RANBP2: variants seen among roughly 807,000 people sequenced by gnomAD.
RANBP2 encodes E3 SUMO-protein ligase RanBP2.
A neutral mutation model predicts 303.6 loss-of-function variants in RANBP2; 57 were observed. That is an observed-to-expected ratio of 0.19 (90% CI 0.15 to 0.23). The LOEUF is 0.23. RANBP2 is among the 10% of genes least tolerant of loss of function. The pLI is 1.00. For missense variants in RANBP2, 3,138 were observed against 3,780.8 expected (o/e 0.83, Z 4.46); for synonymous variants, 1,167 against 1,301.5 (o/e 0.90, Z 2.23).
the RANBP2 span, among the ~76,000 whole-genome samples, chr2:109,673,275 C>G: frequency 6.6e-6 from 1 of 152,138 alleles, no homozygotes; most frequent in Non-Finnish European, 1.5e-5. Context: ...CTAAGTGTTT[C>G]TTTTTCTTCC....
At chr2:108,903,581 A>G in the RANBP2 span, among the ~76,000 whole-genome samples, 1 of 152,226 alleles carries the variant, frequency 6.6e-6, no homozygotes, top group Non-Finnish European at 1.5e-5. Flanking sequence ...CAGCAACCCC[A>G]GAAAATAGAC....
At chr2:109,067,977 G>C in the RANBP2 span, among the ~76,000 whole-genome samples, 1 of 152,200 alleles carries the variant, frequency 6.6e-6, no homozygotes, top group East Asian at 1.9e-4. Context: ...TGGGGACTTT[G>C]CTCTTTGCTG....
At chr2:109,275,257 C>T in the RANBP2 span, among the ~76,000 whole-genome samples, 1 of 152,162 alleles carries the variant, frequency 6.6e-6, no homozygotes, top group African/African-American at 2.4e-5. Flanking sequence ...TGATATTCAC[C>T]CTACCCTCTC....
At chr2:109,041,163 C>A in the RANBP2 span, among the ~76,000 whole-genome samples, 1 of 152,168 alleles carries the variant, frequency 6.6e-6, no homozygotes, top group Non-Finnish European at 1.5e-5. Context: ...ATATTGACTT[C>A]TATATATCCA....
chr2:109,264,771 C>G, the RANBP2 span, among the ~76,000 whole-genome samples: 1 of 152,226 alleles, frequency 6.6e-6, no homozygotes, highest in Non-Finnish European at 1.5e-5. Flanking sequence ...TCTCATTCTT[C>G]TGAGGGCCGT....
chr2:108,735,769 A>G lies in RANBP2; in HGVS notation c.636+7A>G. 1 of 1,597,594 alleles carries G rather than the reference A, an allele frequency of 6.3e-7. No individual in the cohort carries two copies. Among genetic ancestry groups the G allele is most frequent in the Non-Finnish European group, 8.5e-7 (1 of 1,179,782 alleles). ...TGTTGTACAGACCCTTAAGGTAGAT[A>G]AAAGCTATTGGGTCTTTACATTTCT... On this transcript the variant is annotated splice_region_variant and intron_variant, in intron 5 of 28. Transcript: ENST00000283195.
chr2:109,693,419 A>G, the RANBP2 span, among the ~76,000 whole-genome samples: 1 of 152,080 alleles, frequency 6.6e-6, no homozygotes, highest in Non-Finnish European at 1.5e-5. Context: ...TCGGCCTCCC[A>G]AAGTGCTGGT....
the RANBP2 span, among the ~76,000 whole-genome samples, chr2:109,218,937 C>T: frequency 6.6e-6 from 1 of 152,178 alleles, no homozygotes; most frequent in Non-Finnish European, 1.5e-5. Context: ...CTGCACGGAC[C>T]AGGCTTGTAG....
At chr2:109,607,569 C>A in the RANBP2 span, among the ~76,000 whole-genome samples, 1 of 151,984 alleles carries the variant, frequency 6.6e-6, no homozygotes, top group African/African-American at 2.4e-5. Context: ...GTACTGGATT[C>A]CTCCCATTAG....
At chr2:109,123,758 A>C in the RANBP2 span, among the ~76,000 whole-genome samples, 89 of 152,320 alleles carry the variant, frequency 5.8e-4, no homozygotes, top group Admixed American at 2.0e-3. Flanking sequence ...GATGGAGAGC[A>C]TGGTGCTGTG....
chr2:109,176,186 A>G, the RANBP2 span, among the ~76,000 whole-genome samples: 60 of 152,186 alleles, frequency 3.9e-4, 1 homozygote, highest in Admixed American at 6.5e-4. Context: ...ACATACAACC[A>G]GTGGGGGAAA....
the RANBP2 span, chr2:109,667,440 G>A: frequency 2.2e-5 from 8 of 364,392 alleles, no homozygotes; most frequent in East Asian, 5.5e-4. Flanking sequence ...TAGAGGCAGG[G>A]CTGGAGTCTA....
chr2:109,384,929 A>G, the RANBP2 span, among the ~76,000 whole-genome samples: 3 of 152,244 alleles, frequency 2.0e-5, no homozygotes, highest in South Asian at 2.1e-4. Context: ...TTACTTCACT[A>G]TTGCTTAAAG....
the RANBP2 span, among the ~76,000 whole-genome samples, chr2:109,446,989 G>A: frequency 2.6e-5 from 4 of 151,838 alleles, no homozygotes; most frequent in East Asian, 1.9e-4. Flanking sequence ...AATAAATCTC[G>A]AGGAGCGGCC....
chr2:108,835,941 C>A, the RANBP2 span, among the ~76,000 whole-genome samples: 1 of 152,092 alleles, frequency 6.6e-6, no homozygotes, highest in African/African-American at 2.4e-5. Context: ...ACAGGATGAA[C>A]GTTGTGTGCC....
downstream of RANBP2, chr2:108,786,703 C>G (rs1678804393): frequency 2.1e-6 from 2 of 964,392 alleles, no homozygotes; most frequent in South Asian, 1.4e-5. Context: ...CGCCCTTTCC[C>G]TGCCGCCGTG....
chr2:109,005,449 C>T, the RANBP2 span, among the ~76,000 whole-genome samples: 1 of 152,154 alleles, frequency 6.6e-6, no homozygotes, highest in Admixed American at 6.5e-5. Flanking sequence ...TCATTCCTGC[C>T]TCTGGTTCTT....
the RANBP2 span, among the ~76,000 whole-genome samples, chr2:109,763,967 C>T: frequency 6.9e-6 from 1 of 145,302 alleles, no homozygotes; most frequent in Non-Finnish European, 1.5e-5. Flanking sequence ...AATCAATATA[C>T]ACAATCAATT....
At chr2:109,733,434 TAGAG>T in the RANBP2 span, among the ~76,000 whole-genome samples, 1 of 145,362 alleles carries the variant, frequency 6.9e-6, no homozygotes, top group Non-Finnish European at 1.6e-5. Context: ...CTCAACATGA[TAGAG>T]TGTGTTTCTG....
Sources: allele counts gnomAD v4.1 joint callset (sites outside exome capture counted in the v4.1 genomes callset), GRCh38; gene constraint gnomAD v4.1.1; transcripts MANE v1.5; gene names NCBI Gene and HGNC (gene_info 2026-07-23, HGNC 2026-07-21).